Variants in FAM186B observed in about 807,000 individuals in gnomAD.
FAM186B encodes protein FAM186B.
Under a neutral mutation model 83.4 loss-of-function variants are expected in FAM186B, and 68 were observed. That is an observed-to-expected ratio of 0.81 (90% CI 0.67 to 1.00). FAM186B has a LOEUF of 1.00. Among genes scored for constraint, FAM186B ranks in the 50% least tolerant of loss-of-function variants. The pLI is 0.00. For synonymous variants in FAM186B, 389 were observed against 422.0 expected (o/e 0.92, Z 0.96); for missense variants, 983 against 1,099.2 (o/e 0.89, Z 1.49).
chr12:49,615,343 CA>C, the FAM186B span, among the ~76,000 whole-genome samples: 1 of 151,854 alleles, frequency 6.6e-6, no homozygotes, highest in Non-Finnish European at 1.5e-5. Flanking sequence ...AAAACAACAA[CA>C]AAAGAAAATG....
chr12:49,597,250 A>G (rs1939748967), intron 5 of FAM186B, among the ~76,000 whole-genome samples: 1 of 152,186 alleles, frequency 6.6e-6, no homozygotes, highest in Non-Finnish European at 1.5e-5. Context: ...GTGATGCATA[A>G]CTGTATATAC....
At chr12:49,588,402 C>T in intron 6 of FAM186B, 52 bp downstream of exon 6, 2 of 1,565,620 alleles carry the variant, frequency 1.3e-6, no homozygotes, top group Non-Finnish European at 8.7e-7. Context: ...CACCCCTGCT[C>T]CCTGCCTCTT....
downstream of FAM186B, chr12:49,587,499 T>G: frequency 6.8e-7 from 1 of 1,477,570 alleles, no homozygotes; most frequent in Non-Finnish European, 9.4e-7. Flanking sequence ...GCAAATGAGG[T>G]CATTGTTAAA....
chr12:49,594,129 G>GAT (rs1353563411), intron 5 of FAM186B: 2 of 259,984 alleles, frequency 7.7e-6, no homozygotes, highest in African/African-American at 4.6e-5. Flanking sequence ...AGCAGCCAAT[G>GAT]ATATATATCT....
chr12:49,592,374 A>C (rs1939600590), intron 5 of FAM186B, among the ~76,000 whole-genome samples: 1 of 152,142 alleles, frequency 6.6e-6, no homozygotes, highest in Non-Finnish European at 1.5e-5. Context: ...CAGGTGGCTG[A>C]GGCAGGAGAA....
chr12:49,589,054 G>A (rs1939517941), intron 5 of FAM186B, among the ~76,000 whole-genome samples: 1 of 152,156 alleles, frequency 6.6e-6, no homozygotes, highest in South Asian at 2.1e-4. Context: ...TCAAAGAATT[G>A]TCATATCCCT....
rs752423630 is a variant in FAM186B at position 49,603,270 on chromosome 12, C to T, written c.420G>A (p.Leu140=). 3 of 1,614,068 alleles carry T rather than the reference C, an allele frequency of 1.9e-6. No homozygotes were observed. The highest frequency in any genetic ancestry group is 3.3e-5 in the Admixed American group (2 of 60,004). The change falls in exon 3 of 7, where the codon CTG becomes CTA. Residue 140 remains leucine (L), a synonymous_variant. Coordinates refer to ENST00000257894, the MANE Select transcript of FAM186B (RefSeq NM_032130.3). ...WIEVTEKVLP[L]SLIATKRGIE... Reference sequence around the variant, plus strand: ...TGCCTCTTTTGGTGGCAATGAGGGACAGCGGTAACACTTTCTCCGTCACTT... The same window carrying T: ...TGCCTCTTTTGGTGGCAATGAGGGATAGCGGTAACACTTTCTCCGTCACTT...
chr12:49,609,809 C>G (rs866284433), upstream of FAM186B, among the ~76,000 whole-genome samples: 3 of 152,218 alleles, frequency 2.0e-5, no homozygotes, highest in Non-Finnish European at 4.4e-5. Context: ...ATTGAGGGAC[C>G]TGTAGACAGG....
chr12:49,602,756 A>G (rs1939921564), intron 3 of FAM186B, among the ~76,000 whole-genome samples: 1 of 152,204 alleles, frequency 6.6e-6, no homozygotes, highest in Admixed American at 6.5e-5. Flanking sequence ...GGGAGTAAAA[A>G]GCCAAGGTTC....
rs754744243 is a variant in FAM186B at position 49,599,466 on chromosome 12, TACCGGAGGC to T, written c.2165_2171+2del. 9 of 1,523,934 alleles carry T rather than the reference TACCGGAGGC, an allele frequency of 5.9e-6. No individual in the cohort carries two copies. The highest frequency in any genetic ancestry group is 2.8e-5 in the African/African-American group (2 of 71,760). The allele number at this position is 1,523,934 out of a possible 1,614,324, so 94.4% of individuals were successfully genotyped here. A position where few individuals can be genotyped will look rare whatever the true frequency, so the allele number is the denominator to read the frequency against. On this transcript the variant is annotated splice_donor_variant and coding_sequence_variant, in exon 4 of 7. Transcript: ENST00000257894. LOFTEE classifies it high-confidence loss of function. The stretch of plus-strand genomic sequence containing the variant: ...TGCCAGGTGGGTTCCAGGGAGGACC[TACCGGAGGC>T]TCTGGAGGCGTCTATAGAAGATGTA...
chr12:49,616,330 A>G, the FAM186B span, among the ~76,000 whole-genome samples: 1 of 152,200 alleles, frequency 6.6e-6, no homozygotes, highest in African/African-American at 2.4e-5. Flanking sequence ...GCACCCAGCC[A>G]GCAGGTTTTT....
intron 5 of FAM186B, among the ~76,000 whole-genome samples, chr12:49,597,418 G>A (rs377260677): frequency 2.4e-3 from 329 of 136,408 alleles, no homozygotes; most frequent in Middle Eastern, 0.011. Flanking sequence ...ACAAAAGGCC[G>A]AATTGAGGAG....
At chr12:49,610,844 A>T in the FAM186B span, among the ~76,000 whole-genome samples, 1 of 152,162 alleles carries the variant, frequency 6.6e-6, no homozygotes, top group African/African-American at 2.4e-5. Flanking sequence ...TACAATTGAA[A>T]GCTTTATCAA....
the FAM186B span, among the ~76,000 whole-genome samples, chr12:49,614,906 G>A: frequency 5.3e-5 from 8 of 152,182 alleles, no homozygotes; most frequent in East Asian, 3.9e-4. Flanking sequence ...TGAGGTGGGC[G>A]GATCACGAGG....
intron 3 of FAM186B, among the ~76,000 whole-genome samples, chr12:49,602,927 G>GT (rs2138304638): frequency 6.6e-6 from 1 of 152,274 alleles, no homozygotes; most frequent in East Asian, 1.9e-4. Context: ...CAGAACCTAC[G>GT]TGAGGCCACA....
At chr12:49,585,853 TCCAGGAGGGCACGC>T (rs1939431485), downstream of FAM186B, among the ~76,000 whole-genome samples, 1 of 152,122 alleles carries the variant, frequency 6.6e-6, no homozygotes, top group African/African-American at 2.4e-5. Flanking sequence ...TGGAGCAATG[TCCAGGAGGGCACGC>T]CCAAAGGAGG....
At chr12:49,615,019 T>C in the FAM186B span, among the ~76,000 whole-genome samples, 1 of 151,900 alleles carries the variant, frequency 6.6e-6, no homozygotes, top group East Asian at 1.9e-4. Context: ...TCCCAGCTAC[T>C]CAGGAGGCTG....
chr12:49,604,348 T>C lies in FAM186B; in HGVS notation c.287A>G (p.His96Arg). The change falls in exon 2 of 7, where the codon CAC (histidine) becomes CGC (arginine). Residue 96 changes from histidine to arginine, a missense_variant. Physicochemically the swap from His to Arg is conservative, Grantham distance 29. Transcript: ENST00000257894. ...FSKDAMMKEK[H>R]LYDILRWLGD... ...CAGCCAGCGGAGAATGTCATACAGG[T>C]GCTTCTCCTTCATCATAGCATCTTT... 1 of 1,614,194 alleles carries C rather than the reference T, an allele frequency of 6.2e-7. No homozygotes were observed. The highest frequency in any genetic ancestry group is 8.5e-7 in the Non-Finnish European group (1 of 1,180,004).
At position 49,600,530 on chromosome 12, in the gene FAM186B, T is replaced by A. The variant is rs766189813; in HGVS notation, c.1110A>T (p.Pro370=). ...EPMKEEQLFS[P]LPPSPMAMIR... ...TCATGGCCATGGGACTTGGGGGAAG[T>A]GGCGAGAACAACTGCTCCTCCTTCA... The change falls in exon 4 of 7, where the codon CCA becomes CCT. Residue 370 remains proline, a synonymous_variant. Coordinates refer to ENST00000257894, the MANE Select transcript of FAM186B (RefSeq NM_032130.3). The surrounding 1 kb of genome is among the most constrained non-coding windows in gnomAD (Gnocchi z 4.3). The A allele has an allele frequency of 1.2e-6, 2 of 1,613,834 alleles. No homozygotes were observed. The highest frequency in any genetic ancestry group is 1.1e-5 in the South Asian group (1 of 91,058).
Sources: allele counts gnomAD v4.1 joint callset (sites outside exome capture counted in the v4.1 genomes callset), GRCh38; gene constraint gnomAD v4.1.1; non-coding constraint Gnocchi (gnomAD v3.1); transcripts MANE v1.5; gene names NCBI Gene and HGNC (gene_info 2026-07-23, HGNC 2026-07-21).